FBN1: variants seen among roughly 807,000 people sequenced by gnomAD.
The protein encoded by FBN1 is fibrillin 1.
Under a neutral mutation model 365.1 loss-of-function variants are expected in FBN1, and 29 were observed. That is an observed-to-expected ratio of 0.08 (90% CI 0.06 to 0.11). The LOEUF (loss-of-function observed/expected upper bound fraction) is 0.11, where lower values mean the gene tolerates loss of function less well. Among genes scored for constraint, FBN1 ranks in the 10% least tolerant of loss-of-function variants. The probability of loss-of-function intolerance (pLI) is 1.00; values close to 1 mark genes in which losing one functional copy is unlikely to be tolerated. For synonymous variants in FBN1, 1,210 were observed against 1,270.5 expected (o/e 0.95, Z 1.01); for missense variants, 2,476 against 3,703.2 (o/e 0.67, Z 8.60).
At chr15:48,456,938 A>G (rs2043245606) in intron 43 of FBN1, among the ~76,000 whole-genome samples, 176 bp from the exon 44 acceptor site, 1 of 151,972 alleles carries the variant, frequency 6.6e-6, no homozygotes, top group African/African-American at 2.4e-5. Context: ...TGAGATAACT[A>G]AACCACTTTC....
chr15:48,515,593 G>T, intron 11 of FBN1, 66 bp from the exon 12 acceptor site: 1 of 1,581,258 alleles, frequency 6.3e-7, no homozygotes. Context: ...TACTTAATCT[G>T]ACAATAATGA....
intron 6 of FBN1, among the ~76,000 whole-genome samples, chr15:48,555,770 CCA>C (rs1054279191): frequency 1.8e-4 from 28 of 152,180 alleles, no homozygotes. Flanking sequence ...TTCCCCTGGG[CCA>C]CACAACTACA....
Position 48,548,600 on chromosome 15 carries a change from T to C in FBN1, c.539-10792A>G, listed in dbSNP as rs536954412. ...CTGTCTGAACACTGACAGGGCACTG[T>C]GTTACTCTGTTCCCTCTTACCACTT... On this transcript the variant is annotated intron_variant, in intron 6 of 65. Transcript: ENST00000316623. Among the ~76,000 whole-genome samples the C allele has an allele frequency of 7.2e-5, 11 of 152,218 alleles. No homozygotes were observed. The South Asian group carries it at 8.3e-4, about 11-fold the overall frequency.
rs966094646 is a variant in FBN1 at position 48,606,310 on chromosome 15, GA to G, written c.346+4417del. On this transcript the variant is annotated intron_variant, in intron 4 of 65. Transcript: ENST00000316623. Reference sequence around the variant, plus strand: ...ATAGCAGCTTAGTTCAAATAATAAAGAAAAAAAAACTGATGACAACTCAGAT... The same window carrying G: ...ATAGCAGCTTAGTTCAAATAATAAAGAAAAAAAACTGATGACAACTCAGAT... Among the ~76,000 whole-genome samples the G allele has an allele frequency of 6.0e-5, 9 of 150,768 alleles. No homozygotes were observed. The South Asian group carries it at 1.5e-3, about 25-fold the overall frequency.
chr15:48,448,528 A>G (rs113566192), intron 46 of FBN1, among the ~76,000 whole-genome samples: 27 of 152,294 alleles, frequency 1.8e-4, no homozygotes, highest in African/African-American at 5.3e-4. Flanking sequence ...ATCTTTTTCA[A>G]TTTACCCCTT....
chr15:48,513,297 T>A (rs2043775368), intron 13 of FBN1, among the ~76,000 whole-genome samples: 1 of 152,172 alleles, frequency 6.6e-6, no homozygotes, highest in Admixed American at 6.5e-5. Flanking sequence ...GCAATAATAG[T>A]GACGAGACAA....
intron 6 of FBN1, among the ~76,000 whole-genome samples, chr15:48,552,021 G>A (rs1156284038): frequency 3.3e-5 from 5 of 152,088 alleles, no homozygotes; most frequent in African/African-American, 4.8e-5. Flanking sequence ...GTATATACCC[G>A]GTAGTGGTAT....
At chr15:48,560,503 C>T (rs2044215176) in intron 6 of FBN1, among the ~76,000 whole-genome samples, 1 of 152,116 alleles carries the variant, frequency 6.6e-6, no homozygotes, top group African/African-American at 2.4e-5. Context: ...AAATGTTATT[C>T]TCTGAGGTTT....
intron 53 of FBN1, 66 bp from the exon 54 acceptor site, chr15:48,434,779 G>C: frequency 1.9e-6 from 3 of 1,585,788 alleles, no homozygotes; most frequent in Non-Finnish European, 2.6e-6. Flanking sequence ...TTCTATCAGA[G>C]GATTTTAAAC....
intron 57 of FBN1, 79 bp from the exon 58 acceptor site, chr15:48,427,852 T>C: frequency 7.5e-7 from 1 of 1,338,424 alleles, no homozygotes; most frequent in Admixed American, 1.9e-5. Flanking sequence ...TGGTCAGATA[T>C]AAAAACCAAA....
rs762329871 is a variant in FBN1 at position 48,463,073 on chromosome 15, A to G, written c.5224+9T>C. The G allele has an allele frequency of 6.2e-7, 1 of 1,613,396 alleles. No individual in the cohort carries two copies. Among genetic ancestry groups the G allele is most frequent in the Non-Finnish European group, 8.5e-7 (1 of 1,179,428 alleles). ...CTATATTTTTGATAATGGAGAAACT[A>G]AAACTCACCTGTACTTGGGATGGGA... On this transcript the variant is annotated intron_variant, in intron 42 of 65. Transcript: ENST00000316623.
At chr15:48,533,541 A>G (rs935376805) in intron 8 of FBN1, among the ~76,000 whole-genome samples, 1 of 152,198 alleles carries the variant, frequency 6.6e-6, no homozygotes, top group African/African-American at 2.4e-5. Flanking sequence ...AATTATCTCA[A>G]ATTACTTTTC....
intron 15 of FBN1, among the ~76,000 whole-genome samples, chr15:48,507,902 T>G (rs909084025): frequency 2.6e-5 from 4 of 152,110 alleles, no homozygotes; most frequent in Admixed American, 2.6e-4. Context: ...CAAATTTGTC[T>G]CCAGTAACTT....
At chr15:48,640,668 C>A (rs1022097048) in intron 2 of FBN1, among the ~76,000 whole-genome samples, 2 of 152,178 alleles carry the variant, frequency 1.3e-5, no homozygotes, top group Non-Finnish European at 2.9e-5. Flanking sequence ...GAATCACACA[C>A]AAGGGGACAA....
chr15:48,558,904 G>T (rs372871803), intron 6 of FBN1, among the ~76,000 whole-genome samples: 14 of 152,310 alleles, frequency 9.2e-5, no homozygotes, highest in African/African-American at 3.4e-4. Context: ...ATCTGCATCT[G>T]CATCCCTGTA....
At chr15:48,623,549 C>A (rs1889810337) in intron 2 of FBN1, among the ~76,000 whole-genome samples, 3 of 152,092 alleles carry the variant, frequency 2.0e-5, no homozygotes, top group Admixed American at 1.3e-4. Context: ...AAAAAAAATC[C>A]CACAAGCAAC....
chr15:48,538,543 T>A (rs1788186777), intron 6 of FBN1, among the ~76,000 whole-genome samples: 1 of 151,814 alleles, frequency 6.6e-6, no homozygotes, highest in African/African-American at 2.4e-5. Flanking sequence ...ACAAGAGAAT[T>A]TCCAATCAGA....
At chr15:48,645,299 C>T (rs919034830) in intron 1 of FBN1, among the ~76,000 whole-genome samples, 1 of 152,222 alleles carries the variant, frequency 6.6e-6, no homozygotes, top group African/African-American at 2.4e-5. Context: ...TCAGCCTGCC[C>T]TCTCCGCCAG....
At chr15:48,469,040 C>A (rs951438658) in intron 36 of FBN1, among the ~76,000 whole-genome samples, 14 of 117,440 alleles carry the variant, frequency 1.2e-4, no homozygotes, top group African/African-American at 4.9e-4. Context: ...TGTACTCCAG[C>A]CTGGGCGACA....
Sources: gnomAD v4.1 joint callset for allele counts (sites outside exome capture counted in the v4.1 genomes callset) on GRCh38, gnomAD v4.1.1 for gene constraint, MANE v1.5 for transcripts, NCBI Gene and HGNC (gene_info 2026-07-23, HGNC 2026-07-21) for gene names.